Variants in NR3C2 observed in about 807,000 individuals in gnomAD.
NR3C2 encodes the protein mineralocorticoid receptor.
NR3C2 carries 15 observed loss-of-function variants against 86.4 expected under a neutral mutation model. That is an observed-to-expected ratio of 0.17 (90% confidence interval 0.12 to 0.27). NR3C2 has a LOEUF of 0.27. Among genes scored for constraint, NR3C2 ranks in the 10% least tolerant of loss-of-function variants. The probability of loss-of-function intolerance (pLI) is 1.00; values close to 1 mark genes in which losing one functional copy is unlikely to be tolerated. For synonymous variants in NR3C2, 458 were observed against 450.5 expected, an observed-to-expected ratio of 1.02 and a Z score of -0.21; for missense variants, 960 against 1,195.6, an observed-to-expected ratio of 0.80 and a Z score of 2.91.
chr4:148,443,030 C>T (rs1180904711), upstream of NR3C2: 5 of 963,190 alleles, frequency 5.2e-6, no homozygotes, highest in Non-Finnish European at 6.2e-6. Flanking sequence ...GGGTGGGCTT[C>T]ACCCGACCCT....
chr4:148,263,387 G>A (rs1317221345), intron 2 of NR3C2, among the ~76,000 whole-genome samples: 1 of 152,148 alleles, frequency 6.6e-6, no homozygotes, highest in Non-Finnish European at 1.5e-5. Context: ...GTCCTGCTCA[G>A]TCCAGCTTTG....
chr4:148,175,857 A>G (rs1735350609), intron 4 of NR3C2, among the ~76,000 whole-genome samples: 1 of 152,220 alleles, frequency 6.6e-6, no homozygotes, highest in South Asian at 2.1e-4. Flanking sequence ...AAATTTTTTT[A>G]GCCAGGCATG....
At chr4:148,225,036 A>G (rs2149832031) in intron 3 of NR3C2, among the ~76,000 whole-genome samples, 1 of 152,344 alleles carries the variant, frequency 6.6e-6, no homozygotes, top group Non-Finnish European at 1.5e-5. Flanking sequence ...TTATAACTTC[A>G]GCGAGGATGC....
rs544721208 is a variant in NR3C2, at chr4:148,293,258, T to A, written c.1758-33141A>T. On this transcript the variant is annotated intron_variant, in intron 2 of 8. Transcript: ENST00000358102. The stretch of plus-strand genomic sequence containing the variant: ...ACACAGAAGAAGCTAAGTCATTTTA[T>A]AACCATTCATTCAGAAGATGAAATT... 7.2e-5 allele frequency among the ~76,000 whole-genome samples: 11 copies of A among 152,312 alleles called. No homozygotes were observed. The South Asian group carries it at 2.3e-3, about 32-fold the overall frequency.
chr4:148,254,352 C>A (rs906224984), intron 3 of NR3C2, among the ~76,000 whole-genome samples: 1 of 152,166 alleles, frequency 6.6e-6, no homozygotes, highest in African/African-American at 2.4e-5. Flanking sequence ...AAAGTTTATA[C>A]AGTGGTAACA....
At chr4:148,248,027 TAAC>T (rs1254933872) in intron 3 of NR3C2, among the ~76,000 whole-genome samples, 1 of 152,178 alleles carries the variant, frequency 6.6e-6, no homozygotes, top group Non-Finnish European at 1.5e-5. Flanking sequence ...TCACTAGTGA[TAAC>T]AACTTATGAT....
chr4:148,244,632 T>A (rs1739230494), intron 3 of NR3C2, among the ~76,000 whole-genome samples: 1 of 152,228 alleles, frequency 6.6e-6, no homozygotes, highest in East Asian at 1.9e-4. Context: ...TAACTTAGGC[T>A]ACTACAGGCT....
At chr4:148,205,557 G>T (rs1736961891) in intron 3 of NR3C2, among the ~76,000 whole-genome samples, 1 of 152,164 alleles carries the variant, frequency 6.6e-6, no homozygotes, top group African/African-American at 2.4e-5. Context: ...ATGTCTGCTT[G>T]CTCTTTTATT....
intron 2 of NR3C2, among the ~76,000 whole-genome samples, chr4:148,334,496 C>T (rs966570189): frequency 3.3e-5 from 5 of 152,064 alleles, no homozygotes; most frequent in African/African-American, 7.2e-5. Context: ...GAGCGGAGAT[C>T]GCGCCACTGC....
intron 4 of NR3C2, among the ~76,000 whole-genome samples, chr4:148,165,414 C>T (rs960103411): frequency 2.0e-5 from 3 of 152,100 alleles, no homozygotes; most frequent in Non-Finnish European, 4.4e-5. Flanking sequence ...AAAATATATA[C>T]ACCAGGAAAG....
At chr4:148,120,834 G>T (rs61764258) in intron 6 of NR3C2, among the ~76,000 whole-genome samples, 222 of 152,270 alleles carry the variant, frequency 1.5e-3, no homozygotes, top group Middle Eastern at 3.4e-3. Flanking sequence ...TACTTTAAAA[G>T]GTGAGAACGT....
chr4:148,207,170 A>G (rs1010562571), intron 3 of NR3C2, among the ~76,000 whole-genome samples: 5 of 152,080 alleles, frequency 3.3e-5, no homozygotes, highest in Non-Finnish European at 7.3e-5. Context: ...TGATCCTCCC[A>G]AAGTGCTGGG....
At chr4:148,190,015 T>C (rs929802062) in intron 4 of NR3C2, among the ~76,000 whole-genome samples, 1 of 152,150 alleles carries the variant, frequency 6.6e-6, no homozygotes, top group Non-Finnish European at 1.5e-5. Flanking sequence ...ATCTTTTGTA[T>C]TGTTTGTTTG....
At position 148,380,907 on chromosome 4, in the gene NR3C2, A is replaced by T. The variant is rs376576747; in HGVS notation, c.1757+54197T>A. 3.9e-5 allele frequency among the ~76,000 whole-genome samples: 6 copies of T among 152,316 alleles called. No homozygotes were observed. In the East Asian group the frequency reaches 7.7e-4, roughly 20 times the overall value. On this transcript the variant is annotated intron_variant, in intron 2 of 8. Coordinates refer to ENST00000358102, the MANE Select transcript of NR3C2 (RefSeq NM_000901.5). ...TTAAAAATTATACACACTGATATAA[A>T]ATTTTATACACATATAATACACATA...
chr4:148,383,577 A>C (rs1304165399), intron 2 of NR3C2, among the ~76,000 whole-genome samples: 1 of 152,208 alleles, frequency 6.6e-6, no homozygotes, highest in African/African-American at 2.4e-5. Flanking sequence ...ATGTAAACTA[A>C]CATTACCAGT....
At chr4:148,088,425 T>C (rs958311820) in intron 8 of NR3C2, among the ~76,000 whole-genome samples, 59 of 152,298 alleles carry the variant, frequency 3.9e-4, no homozygotes, top group African/African-American at 1.3e-3. Flanking sequence ...GGTATGTTTA[T>C]TGCGGCACTG....
intron 2 of NR3C2, among the ~76,000 whole-genome samples, chr4:148,386,343 A>G (rs1039301561): frequency 2.3e-4 from 35 of 152,314 alleles, no homozygotes; most frequent in Admixed American, 1.0e-3. Context: ...AAAGGGTAAC[A>G]TTCCTGAAAA....
At position 148,185,121 on chromosome 4, in the gene NR3C2, A is replaced by C. The variant is rs541648881; in HGVS notation, c.2014+9625T>G. ...CACACTCAGTAATCGCTTTCTTCTC[A>C]CCATACATTTACTCATCAAATCTCA... On this transcript the variant is annotated intron_variant, in intron 4 of 8. Transcript: ENST00000358102. Among the ~76,000 whole-genome samples the C allele has an allele frequency of 5.3e-5, 8 of 152,340 alleles. No individual in the cohort carries two copies. In the East Asian group the frequency reaches 1.5e-3, roughly 29 times the overall value.
intron 3 of NR3C2, among the ~76,000 whole-genome samples, chr4:148,253,084 A>G (rs145012419): frequency 1.7e-4 from 26 of 152,344 alleles, no homozygotes; most frequent in African/African-American, 6.0e-4. Flanking sequence ...ATTTTCTAAT[A>G]AATTACTTCA....
Sources: gnomAD v4.1 joint callset for allele counts (sites outside exome capture counted in the v4.1 genomes callset) on GRCh38, gnomAD v4.1.1 for gene constraint, MANE v1.5 for transcripts, NCBI Gene and HGNC (gene_info 2026-07-23, HGNC 2026-07-21) for gene names.